The following CACNA2D1 variants were observed in gnomAD, a reference collection of about 807,000 sequenced individuals.
CACNA2D1 encodes voltage-dependent calcium channel subunit alpha-2/delta-1.
In CACNA2D1, 53 loss-of-function variants were observed where a neutral mutation model predicts 171.5. The observed-to-expected ratio is 0.31, with a 90% confidence interval of 0.25 to 0.39. The LOEUF (loss-of-function observed/expected upper bound fraction) is 0.39, where lower values mean the gene tolerates loss of function less well. CACNA2D1 is among the 10% of genes least tolerant of loss of function. The probability of loss-of-function intolerance (pLI) is 1.00; values close to 1 mark genes in which losing one functional copy is unlikely to be tolerated. For missense variants in CACNA2D1, 903 were observed against 1,299.8 expected (o/e 0.69, Z 4.69); for synonymous variants, 442 against 443.1 (o/e 1.00, Z 0.03).
chr7:82,020,075 C>T (rs1801000435), intron 12 of CACNA2D1, among the ~76,000 whole-genome samples: 1 of 152,150 alleles, frequency 6.6e-6, no homozygotes, highest in Non-Finnish European at 1.5e-5. Context: ...TGTCCAAATT[C>T]ACCTTTCACA....
Position 82,201,224 on chromosome 7 carries a change from C to A in CACNA2D1, c.295-30615G>T, listed in dbSNP as rs79262198. Among the ~76,000 whole-genome samples, 8 of 152,100 alleles carry A rather than the reference C, an allele frequency of 5.3e-5. No individual in the cohort carries two copies. In the East Asian group the frequency reaches 1.6e-3, roughly 29 times the overall value. On this transcript the variant is annotated intron_variant, in intron 3 of 38. Coordinates refer to ENST00000356860, the MANE Select transcript of CACNA2D1 (RefSeq NM_000722.4). ...AGCAAGCCTGTGTGCTAAGCACAAC[C>A]AAGGAGAAGTTGAGGGTGTTAGAAA...
At chr7:82,369,878 A>T (rs1432485913) in intron 1 of CACNA2D1, among the ~76,000 whole-genome samples, 3 of 152,094 alleles carry the variant, frequency 2.0e-5, no homozygotes, top group African/African-American at 4.8e-5. Context: ...AAGATACTAA[A>T]TAAACAACTA....
At chr7:82,104,348 C>T (rs1241156830) in intron 6 of CACNA2D1, among the ~76,000 whole-genome samples, 2 of 151,882 alleles carry the variant, frequency 1.3e-5, no homozygotes, top group Admixed American at 1.3e-4. Context: ...GAAAATGAAG[C>T]ATACTGATAA....
At chr7:82,190,591 T>C (rs760808266) in intron 3 of CACNA2D1, among the ~76,000 whole-genome samples, 1 of 151,756 alleles carries the variant, frequency 6.6e-6, no homozygotes, top group South Asian at 2.1e-4. Flanking sequence ...TTACCCATCA[T>C]CCAACTGCAA....
chr7:82,367,974 AAAAT>A (rs1821938654), intron 1 of CACNA2D1, among the ~76,000 whole-genome samples: 1 of 152,214 alleles, frequency 6.6e-6, no homozygotes, highest in Admixed American at 6.5e-5. Flanking sequence ...TCAGAAAAAA[AAAAT>A]AAAAGGATCA....
chr7:82,293,063 T>C (rs371924356), intron 3 of CACNA2D1, among the ~76,000 whole-genome samples: 1 of 152,182 alleles, frequency 6.6e-6, no homozygotes, highest in South Asian at 2.1e-4. Flanking sequence ...TATTTTTTAT[T>C]TCTTTGCCTT....
At chr7:82,417,857 T>C (rs1828331018) in intron 1 of CACNA2D1, among the ~76,000 whole-genome samples, 1 of 152,152 alleles carries the variant, frequency 6.6e-6, no homozygotes, top group South Asian at 2.1e-4. Flanking sequence ...ATTTTGCATA[T>C]AGTGAGAATG....
chr7:82,135,632 T>C (rs559557954), intron 5 of CACNA2D1, among the ~76,000 whole-genome samples: 39 of 152,264 alleles, frequency 2.6e-4, no homozygotes, highest in African/African-American at 9.1e-4. Flanking sequence ...TTTGTTATAA[T>C]TTGGGAAACT....
chr7:82,250,221 T>A (rs946259158), intron 3 of CACNA2D1, among the ~76,000 whole-genome samples: 3 of 152,200 alleles, frequency 2.0e-5, no homozygotes, highest in Non-Finnish European at 4.4e-5. Context: ...CAGTGCTACA[T>A]TGGGAATTAA....
chr7:82,255,556 C>T (rs954653745), intron 3 of CACNA2D1, among the ~76,000 whole-genome samples: 1 of 152,152 alleles, frequency 6.6e-6, no homozygotes, highest in Middle Eastern at 3.2e-3. Flanking sequence ...AGATGGCATA[C>T]TCTATACATT....
intron 3 of CACNA2D1, among the ~76,000 whole-genome samples, chr7:82,329,384 T>C (rs2129443468): frequency 6.6e-6 from 1 of 152,258 alleles, no homozygotes; most frequent in African/African-American, 2.4e-5. Flanking sequence ...TTGGAAAATG[T>C]CACCAGAAAA....
At chr7:82,197,521 A>T (rs1791859074) in intron 3 of CACNA2D1, among the ~76,000 whole-genome samples, 1 of 152,134 alleles carries the variant, frequency 6.6e-6, no homozygotes, top group South Asian at 2.1e-4. Context: ...GGGCTGAGAA[A>T]TGAATTACAA....
intron 20 of CACNA2D1, among the ~76,000 whole-genome samples, chr7:81,992,218 T>C (rs957000488): frequency 1.3e-5 from 2 of 152,118 alleles, no homozygotes; most frequent in African/African-American, 4.8e-5. Flanking sequence ...GTAACATGTA[T>C]TGAAGTATTT....
intron 1 of CACNA2D1, among the ~76,000 whole-genome samples, chr7:82,424,136 G>A (rs1374062693): frequency 6.6e-6 from 1 of 152,118 alleles, no homozygotes; most frequent in Non-Finnish European, 1.5e-5. Context: ...ACTCTGACCA[G>A]TGTTCCCTGG....
At chr7:82,284,661 T>C (rs1300000861) in intron 3 of CACNA2D1, among the ~76,000 whole-genome samples, 4 of 152,202 alleles carry the variant, frequency 2.6e-5, no homozygotes, top group Admixed American at 2.6e-4. Context: ...ACTCTCTCCT[T>C]CAAGCCCTTC....
intron 3 of CACNA2D1, among the ~76,000 whole-genome samples, chr7:82,180,473 T>C (rs1249015479): frequency 6.6e-6 from 1 of 152,096 alleles, no homozygotes; most frequent in East Asian, 1.9e-4. Flanking sequence ...ATCTGTGAAA[T>C]TGTGGTCGGC....
chr7:82,094,570 G>A (rs1440088066), intron 6 of CACNA2D1, among the ~76,000 whole-genome samples: 1 of 152,158 alleles, frequency 6.6e-6, no homozygotes, highest in African/African-American at 2.4e-5. Context: ...AAATTTACAA[G>A]TCCTTGCTCG....
intron 3 of CACNA2D1, among the ~76,000 whole-genome samples, chr7:82,248,423 G>A (rs758540120): frequency 7.2e-5 from 11 of 152,090 alleles, no homozygotes; most frequent in Non-Finnish European, 1.5e-4. Flanking sequence ...CATTTGAACT[G>A]TGCTGTTGAT....
Position 81,950,483 on chromosome 7 carries a change from A to C in CACNA2D1, c.3185T>G (p.Val1062Gly). The change falls in exon 39 of 39, where the codon GTT becomes GGT. Residue 1062 changes from valine (V) to glycine (G), a missense_variant. By Grantham distance (109) the Val-to-Gly change is moderately radical. Transcript: ENST00000356860. ...CCACAGGGAGGGATTTAATCCAGAA[A>C]CACCACCACAGTCAGTATAATCCTC... ...VLEDYTDCGG[V>G]SGLNPSLWYI... is the part of the protein sequence containing the mutation. 1.2e-6 allele frequency: 2 copies of C among 1,613,118 alleles called. No homozygotes were observed. The highest frequency in any genetic ancestry group is 1.7e-6 in the Non-Finnish European group (2 of 1,179,544).
Sources: allele counts gnomAD v4.1 joint callset (sites outside exome capture counted in the v4.1 genomes callset), GRCh38; gene constraint gnomAD v4.1.1; transcripts MANE v1.5; gene names NCBI Gene and HGNC (gene_info 2026-07-23, HGNC 2026-07-21).